Variants in AGBL1 observed in about 807,000 individuals in gnomAD.
AGBL1 encodes the protein cytosolic carboxypeptidase 4.
AGBL1 carries 130 observed loss-of-function variants against 118.9 expected under a neutral mutation model. The observed-to-expected ratio is 1.09, with a 90% confidence interval of 0.95 to 1.26. AGBL1 has a LOEUF of 1.26. Among genes scored for constraint, AGBL1 ranks in the 50% most tolerant of loss-of-function variants. AGBL1 has a pLI of 0.00. For missense variants in AGBL1, 1,584 were observed against 1,298.1 expected, an observed-to-expected ratio of 1.22 and a Z score of -3.38; for synonymous variants, 555 against 478.9, an observed-to-expected ratio of 1.16 and a Z score of -2.08.
chr15:86,297,048 A>G (rs977971057), intron 17 of AGBL1: 4 of 152,180 alleles, frequency 2.6e-5, no homozygotes. Flanking sequence ...AAGGCCCTTA[A>G]ATAATCTGGC....
At chr15:86,425,684 T>A (rs1023840976) in intron 18 of AGBL1, among the ~76,000 whole-genome samples, 1 of 152,208 alleles carries the variant, frequency 6.6e-6, no homozygotes, top group African/African-American at 2.4e-5. Context: ...ATCAGTGATT[T>A]CCAAATGTAG....
In AGBL1 at chr15:86,698,685, C is replaced by G. The variant is rs183004409; in HGVS notation, c.3158+24249C>G. ...ATCAGTACTCTCAGGCAAGGAAGCT[C>G]AATCCCACTATCCTACTCTGCCTAT... On this transcript the variant is annotated intron_variant, in intron 22 of 22. Transcript: ENST00000614907. 6.0e-5 allele frequency among the ~76,000 whole-genome samples: 9 copies of G among 150,954 alleles called. No individual in the cohort carries two copies. The East Asian group carries it at 1.4e-3, about 23-fold the overall frequency.
chr15:86,099,659 C>T (rs1291666486), intron 1 of AGBL1, among the ~76,000 whole-genome samples: 1 of 151,770 alleles, frequency 6.6e-6, no homozygotes, highest in East Asian at 1.9e-4. Flanking sequence ...CCTGCCTCAG[C>T]ATCCCACATG....
chr15:86,229,517 G>C (rs1049324733), intron 6 of AGBL1, among the ~76,000 whole-genome samples: 5 of 152,018 alleles, frequency 3.3e-5, no homozygotes, highest in African/African-American at 7.2e-5. Context: ...ATTTGGGCGG[G>C]GACACAGCCA....
At chr15:86,262,077 G>GTTTTTTTTTTTTTTTTTT (rs1491268138) in intron 9 of AGBL1, among the ~76,000 whole-genome samples, 8 of 3,486 alleles carry the variant, frequency 2.3e-3, no homozygotes, top group South Asian at 0.022. Flanking sequence ...TGCATAGCTG[G>GTTTTTTTTTTTTTTTTTT]CTTTTTTTTT....
intron 21 of AGBL1, among the ~76,000 whole-genome samples, chr15:86,612,137 T>G (rs1246871005): frequency 2.0e-5 from 3 of 152,030 alleles, no homozygotes; most frequent in East Asian, 1.9e-4. Context: ...GCTCTTCACT[T>G]TTTGGGAGAT....
intron 22 of AGBL1, among the ~76,000 whole-genome samples, chr15:86,810,357 A>T (rs145446843): frequency 6.6e-6 from 1 of 152,106 alleles, no homozygotes; most frequent in Admixed American, 6.6e-5. Flanking sequence ...CACCCAGTCT[A>T]TAGGGAGAAT....
chr15:86,891,704 C>G (rs766858166), intron 22 of AGBL1, among the ~76,000 whole-genome samples: 5 of 152,082 alleles, frequency 3.3e-5, no homozygotes, highest in Admixed American at 2.6e-4. Flanking sequence ...ACCTTCTCTA[C>G]TCAAGTGACA....
chr15:86,718,259 A>G (rs1047470243), intron 22 of AGBL1, among the ~76,000 whole-genome samples: 11 of 152,040 alleles, frequency 7.2e-5, no homozygotes, highest in African/African-American at 2.7e-4. Flanking sequence ...GAAGCTGGAA[A>G]CAATCATTCT....
At chr15:86,484,893 G>A (rs777535525) in intron 18 of AGBL1, among the ~76,000 whole-genome samples, 2 of 152,048 alleles carry the variant, frequency 1.3e-5, no homozygotes, top group Admixed American at 6.6e-5. Flanking sequence ...ATAGTTTCCC[G>A]GATTGTTCCA....
At chr15:86,983,169 T>G (rs1003730723) in intron 23 of AGBL1, among the ~76,000 whole-genome samples, 1 of 152,174 alleles carries the variant, frequency 6.6e-6, no homozygotes, top group Non-Finnish European at 1.5e-5. Context: ...GAATGTATAT[T>G]GATCTTCACA....
intron 22 of AGBL1, 109 bp downstream of exon 22, chr15:86,674,545 A>G: frequency 8.8e-7 from 1 of 1,130,640 alleles, no homozygotes; most frequent in African/African-American, 1.6e-5. Flanking sequence ...CAGAGAAAAT[A>G]TGGAAGAATT....
chr15:86,781,546 C>T (rs2078336750), intron 22 of AGBL1, among the ~76,000 whole-genome samples: 1 of 152,086 alleles, frequency 6.6e-6, no homozygotes, highest in South Asian at 2.1e-4. Context: ...CGTTTTAAGA[C>T]ACAAAAATCA....
intron 22 of AGBL1, among the ~76,000 whole-genome samples, chr15:86,690,147 A>T (rs1352725508): frequency 6.6e-6 from 1 of 152,150 alleles, no homozygotes; most frequent in Non-Finnish European, 1.5e-5. Context: ...ACATACAAGG[A>T]ATGTTATAAG....
At chr15:86,168,942 C>G (rs2077378162) in intron 5 of AGBL1, among the ~76,000 whole-genome samples, 1 of 152,090 alleles carries the variant, frequency 6.6e-6, no homozygotes, top group Non-Finnish European at 1.5e-5. Flanking sequence ...CTGTTGTCTA[C>G]TAAGATATTA....
At chr15:86,904,964 A>G (rs1349023347) in intron 22 of AGBL1, among the ~76,000 whole-genome samples, 1 of 152,166 alleles carries the variant, frequency 6.6e-6, no homozygotes, top group Non-Finnish European at 1.5e-5. Context: ...TGACAATAAC[A>G]CTATAACCAT....
intron 18 of AGBL1, among the ~76,000 whole-genome samples, chr15:86,431,405 G>A: frequency 6.6e-6 from 1 of 152,194 alleles, no homozygotes; most frequent in East Asian, 1.9e-4. Context: ...GCTAAGCACA[G>A]GGCACATAAT....
intron 19 of AGBL1, among the ~76,000 whole-genome samples, chr15:86,540,920 G>A (rs1382126690): frequency 6.6e-6 from 1 of 152,236 alleles, no homozygotes; most frequent in South Asian, 2.1e-4. Context: ...TCTATAATTT[G>A]TCGTTTACTT....
chr15:86,618,765 A>C (rs1011124975), intron 21 of AGBL1, among the ~76,000 whole-genome samples: 1 of 152,092 alleles, frequency 6.6e-6, no homozygotes, highest in African/African-American at 2.4e-5. Flanking sequence ...GATCTACTGA[A>C]ATCTCTGGTA....
Sources: gnomAD v4.1 joint callset for allele counts (sites outside exome capture counted in the v4.1 genomes callset) on GRCh38, gnomAD v4.1.1 for gene constraint, MANE v1.5 for transcripts, NCBI Gene and HGNC (gene_info 2026-07-23, HGNC 2026-07-21) for gene names.